The following KCNMA1 variants were observed in gnomAD, a reference collection of about 807,000 sequenced individuals.
The protein encoded by KCNMA1 is potassium calcium-activated channel subfamily M alpha 1.
Under a neutral mutation model 140.0 loss-of-function variants are expected in KCNMA1, and 29 were observed. The ratio of observed to expected loss-of-function variants is 0.21; its 90% CI spans 0.15 to 0.28. KCNMA1 has a LOEUF of 0.28. KCNMA1 is among the 10% of genes least tolerant of loss of function. The probability of loss-of-function intolerance (pLI) is 1.00; values close to 1 mark genes in which losing one functional copy is unlikely to be tolerated. For missense variants in KCNMA1, 880 were observed against 1,602.2 expected, an observed-to-expected ratio of 0.55 and a Z score of 7.70; for synonymous variants, 612 against 611.9, an observed-to-expected ratio of 1.00 and a Z score of 0.00.
At chr10:77,300,223 G>A (rs925013060) in intron 2 of KCNMA1, among the ~76,000 whole-genome samples, 1 of 152,220 alleles carries the variant, frequency 6.6e-6, no homozygotes, top group Non-Finnish European at 1.5e-5. Flanking sequence ...TGGCTCTGGG[G>A]AAGGTAAGAG....
intron 1 of KCNMA1, among the ~76,000 whole-genome samples, chr10:77,617,662 A>T (rs2090051128): frequency 6.6e-6 from 1 of 152,236 alleles, no homozygotes; most frequent in Non-Finnish European, 1.5e-5. Context: ...GGCAAGTGAC[A>T]TCACATAGCC....
chr10:76,995,006 C>T (rs1266324600), intron 19 of KCNMA1, among the ~76,000 whole-genome samples: 9 of 152,254 alleles, frequency 5.9e-5, no homozygotes, highest in African/African-American at 2.4e-5. Context: ...AAGCCTCTCT[C>T]GAGTGACTTC....
intron 1 of KCNMA1, among the ~76,000 whole-genome samples, chr10:77,544,513 C>T (rs2060958088): frequency 6.6e-6 from 1 of 152,142 alleles, no homozygotes. Flanking sequence ...TGCAGGGCAA[C>T]TTCAATTTTA....
intron 2 of KCNMA1, among the ~76,000 whole-genome samples, chr10:77,269,684 G>A (rs1407492675): frequency 6.6e-6 from 1 of 152,216 alleles, no homozygotes; most frequent in Non-Finnish European, 1.5e-5. Flanking sequence ...TGCTAACACA[G>A]CAGAGCAAAT....
chr10:77,444,796 T>A (rs1422520875), intron 1 of KCNMA1, among the ~76,000 whole-genome samples: 1 of 152,068 alleles, frequency 6.6e-6, no homozygotes, highest in Non-Finnish European at 1.5e-5. Flanking sequence ...TGAAGGTGGA[T>A]TCCCCCACCG....
chr10:77,489,381 G>C (rs976144191), intron 1 of KCNMA1, among the ~76,000 whole-genome samples: 2 of 151,778 alleles, frequency 1.3e-5, no homozygotes, highest in African/African-American at 4.8e-5. Flanking sequence ...TGTCGCCCAG[G>C]CTGGAGTGGA....
intron 1 of KCNMA1, among the ~76,000 whole-genome samples, chr10:77,409,492 G>A (rs2096570964): frequency 6.6e-6 from 1 of 152,140 alleles, no homozygotes; most frequent in Non-Finnish European, 1.5e-5. Flanking sequence ...TCCAAATCTA[G>A]CCCAAGTGAC....
intron 5 of KCNMA1, among the ~76,000 whole-genome samples, chr10:77,154,195 T>C (rs2098457360): frequency 6.6e-6 from 1 of 152,032 alleles, no homozygotes; most frequent in Non-Finnish European, 1.5e-5. Context: ...GGTGCCTTCT[T>C]CTCCTTTGCC....
intron 1 of KCNMA1, among the ~76,000 whole-genome samples, chr10:77,454,433 T>C (rs772983878): frequency 4.6e-5 from 7 of 152,170 alleles, no homozygotes; most frequent in East Asian, 3.9e-4. Flanking sequence ...TTGCTAACAG[T>C]GTCACATTTC....
intron 2 of KCNMA1, among the ~76,000 whole-genome samples, chr10:77,378,930 C>G (rs1464508076): frequency 6.6e-6 from 1 of 152,144 alleles, no homozygotes; most frequent in Non-Finnish European, 1.5e-5. Flanking sequence ...TCCTCTGATT[C>G]AAATTAAAAT....
chr10:77,321,661 G>A (rs1205467991), intron 2 of KCNMA1, among the ~76,000 whole-genome samples: 2 of 151,372 alleles, frequency 1.3e-5, no homozygotes, highest in Non-Finnish European at 2.9e-5. Flanking sequence ...GGCAGTGTCG[G>A]TTTTTTTTTC....
Position 77,001,581 on chromosome 10 carries a change from C to T in KCNMA1, c.2093-1G>A, listed in dbSNP as rs2086474725. On this transcript the variant is annotated splice_acceptor_variant, in intron 18 of 27. Coordinates refer to ENST00000286628, the MANE Select transcript of KCNMA1 (RefSeq NM_001161352.2). LOFTEE classifies it high-confidence loss of function. ...ATTCTCTTGTAGATGGACATCTTGGCTATAACCGTGTGGTTGGATGGGAGG... is the reference window on the plus strand; with the variant it reads ...ATTCTCTTGTAGATGGACATCTTGGTTATAACCGTGTGGTTGGATGGGAGG... The T allele has an allele frequency of 6.5e-7, 1 of 1,549,896 alleles. No individual in the cohort carries two copies. The highest frequency in any genetic ancestry group is 8.7e-7 in the Non-Finnish European group (1 of 1,145,336).
chr10:77,000,764 G>T (rs1416354281), intron 19 of KCNMA1, among the ~76,000 whole-genome samples: 4 of 150,548 alleles, frequency 2.7e-5, no homozygotes, highest in Admixed American at 2.7e-4. Context: ...CCCAGTGCAG[G>T]CTGACAGACA....
At chr10:76,977,194 T>C (rs867900457) in intron 19 of KCNMA1, among the ~76,000 whole-genome samples, 1 of 152,132 alleles carries the variant, frequency 6.6e-6, no homozygotes, top group Non-Finnish European at 1.5e-5. Context: ...ACTTTTAGAG[T>C]AGGGATGAAA....
chr10:76,919,624 A>G (rs768369749), intron 23 of KCNMA1, among the ~76,000 whole-genome samples: 31 of 152,184 alleles, frequency 2.0e-4, no homozygotes, highest in Non-Finnish European at 4.1e-4. Flanking sequence ...CTGTAAAGTC[A>G]GGTGTCCTGG....
chr10:77,486,762 G>A (rs1418161851), intron 1 of KCNMA1, among the ~76,000 whole-genome samples: 1 of 152,204 alleles, frequency 6.6e-6, no homozygotes, highest in Non-Finnish European at 1.5e-5. Flanking sequence ...AAGCCCAAGG[G>A]TTTCTCCTGG....
chr10:77,617,784 T>C (rs1260681158), intron 1 of KCNMA1, among the ~76,000 whole-genome samples: 1 of 152,212 alleles, frequency 6.6e-6, no homozygotes, highest in Non-Finnish European at 1.5e-5. Context: ...CTTGACACCA[T>C]GTCTGACACC....
intron 1 of KCNMA1, among the ~76,000 whole-genome samples, chr10:77,457,051 T>C (rs899308453): frequency 2.6e-5 from 4 of 152,176 alleles, no homozygotes; most frequent in African/African-American, 7.2e-5. Flanking sequence ...GAGAAATGCA[T>C]GTGCTTACAT....
At chr10:77,417,264 C>A (rs1378667730) in intron 1 of KCNMA1, among the ~76,000 whole-genome samples, 1 of 152,244 alleles carries the variant, frequency 6.6e-6, no homozygotes, top group Non-Finnish European at 1.5e-5. Context: ...TTGGTCCATG[C>A]ATGTTGCATT....
Sources: allele counts gnomAD v4.1 joint callset (sites outside exome capture counted in the v4.1 genomes callset), GRCh38; gene constraint gnomAD v4.1.1; transcripts MANE v1.5; gene names NCBI Gene and HGNC (gene_info 2026-07-23, HGNC 2026-07-21).